The following SLC7A6 variants were observed in gnomAD, a reference collection of about 807,000 sequenced individuals.
SLC7A6 encodes the protein solute carrier family 7 member 6, also known as Y+L amino acid transporter 2.
SLC7A6 carries 29 observed loss-of-function variants against 46.6 expected under a neutral mutation model. The observed-to-expected ratio is 0.62, with a 90% CI of 0.46 to 0.85. The LOEUF (loss-of-function observed/expected upper bound fraction) is 0.85. SLC7A6 is among the 40% of genes least tolerant of loss of function. The probability of loss-of-function intolerance (pLI) is 0.00; values close to 1 mark genes in which losing one functional copy is unlikely to be tolerated. For synonymous variants in SLC7A6, 276 were observed against 257.3 expected, an observed-to-expected ratio of 1.07 and a Z score of -0.70; for missense variants, 527 against 647.6, an observed-to-expected ratio of 0.81 and a Z score of 2.02.
Position 68,300,533 on chromosome 16 carries a change from T to A in SLC7A6, c.*3205T>A. ...CCTTGCCTTAAGTCCTTGGTATTTA[T>A]AATCAATGCTGAACCTTCTATTTCA... is the stretch of plus-strand genomic sequence containing the variant. On this transcript the variant is annotated 3_prime_UTR_variant, in exon 11 of 11. Coordinates refer to ENST00000219343, the MANE Select transcript of SLC7A6 (RefSeq NM_003983.6). The A allele has an allele frequency of 1.2e-6, 1 of 834,568 alleles. No individual in the cohort carries two copies. The highest frequency in any genetic ancestry group is 1.4e-6 in the Non-Finnish European group (1 of 692,342). 51.7% of individuals were successfully genotyped at this position (834,568 alleles called of 1,614,324 possible).
At chr16:68,286,427 G>A (rs2042935197) in intron 3 of SLC7A6, among the ~76,000 whole-genome samples, 1 of 152,178 alleles carries the variant, frequency 6.6e-6, no homozygotes, top group South Asian at 2.1e-4. Flanking sequence ...TTCTTTTTAT[G>A]TGTGTGTACG....
rs186630157 is a variant in SLC7A6 at position 68,300,716 on chromosome 16, C to G, written c.*3388C>G. On this transcript the variant is annotated 3_prime_UTR_variant, in exon 11 of 11. Transcript: ENST00000219343. ...GGAAGTCAGTCAGTAATTTCACAAC[C>G]GTTATCAGAGTTTGGAAGCAGAAAT... is the stretch of plus-strand genomic sequence containing the variant. The G allele has an allele frequency of 1.0e-6, 1 of 985,484 alleles. No homozygotes were observed. Among genetic ancestry groups the G allele is most frequent in the South Asian group, 4.7e-5 (1 of 21,292 alleles). 61.0% of individuals were successfully genotyped at this position (985,484 alleles called of 1,614,324 possible).
chr16:68,264,747 G>C lies in SLC7A6; in HGVS notation c.-166+171G>C, dbSNP rs888059350. ...CCGCGCGAGAGGCGCTGCGGGTGAG[G>C]GGGGGCGCCACGAGGAGAGAGGGAC... On this transcript the variant is annotated intron_variant, in intron 1 of 10. Transcript: ENST00000219343. This position sits in a 1 kb window ranked among gnomAD's most constrained non-coding sequence, Gnocchi z 5.8. 10 of 152,550 alleles carry C rather than the reference G, an allele frequency of 6.6e-5. No homozygotes were observed. In the East Asian group the frequency reaches 1.3e-3, roughly 21 times the overall value. 9.4% of individuals were successfully genotyped at this position (152,550 alleles called of 1,614,324 possible).
chr16:68,301,409 G>A lies in SLC7A6; in HGVS notation c.*4081G>A. 6.2e-7 allele frequency: 1 copy of A among 1,612,866 alleles called. No individual in the cohort carries two copies. The highest frequency in any genetic ancestry group is 8.5e-7 in the Non-Finnish European group (1 of 1,179,222). ...AGGCTGTTGTAGTCAGCAGAGCCTA[G>A]AATGACATCCCGGGAGTGGATTCTA... On this transcript the variant is annotated 3_prime_UTR_variant, in exon 11 of 11. Transcript: ENST00000219343.
In SLC7A6 at chr16:68,297,287, G is replaced by A; in HGVS notation, c.1507G>A (p.Asp503Asn). 1 of 1,614,150 alleles carries A rather than the reference G, an allele frequency of 6.2e-7. No individual in the cohort carries two copies. Among genetic ancestry groups the A allele is most frequent in the Non-Finnish European group, 8.5e-7 (1 of 1,180,020 alleles). ...QLCFCVLTEL[D>N]VAEEKKDERK... is the part of the protein sequence containing the mutation. ...TTGCTTTTGTGTCCTGACTGAGCTT[G>A]ATGTAGCCGAAGAAAAAAAGGATGA... Residue 503 changes from aspartate to asparagine, a missense_variant, in exon 11 of 11, where the codon GAT becomes AAT. Transcript: ENST00000219343.
At chr16:68,293,163 C>T (rs35441683) in intron 7 of SLC7A6, among the ~76,000 whole-genome samples, 1,753 of 152,284 alleles carry the variant, frequency 0.012, 19 homozygotes, top group Non-Finnish European at 0.02. Context: ...CACCTGTAAT[C>T]CCAGCACTTT....
At chr16:68,273,103 T>G (rs1280822547) in intron 2 of SLC7A6, 1 of 152,032 alleles carries the variant, frequency 6.6e-6, no homozygotes, top group African/African-American at 2.4e-5. Flanking sequence ...AGGAGGAGCT[T>G]TTTTACTTGG....
At chr16:68,267,257 C>T (rs2042551260) in intron 2 of SLC7A6, among the ~76,000 whole-genome samples, 1 of 143,284 alleles carries the variant, frequency 7.0e-6, no homozygotes, top group African/African-American at 2.6e-5. Flanking sequence ...TCTCATTGCC[C>T]TGGCGGAGTG....
At chr16:68,268,621 C>T (rs920132996) in intron 2 of SLC7A6, among the ~76,000 whole-genome samples, 3 of 152,086 alleles carry the variant, frequency 2.0e-5, no homozygotes, top group East Asian at 1.9e-4. Flanking sequence ...GTGGCAGTTT[C>T]GTGGTTAAAT....
chr16:68,266,260 C>CA (rs563793476), intron 1 of SLC7A6, among the ~76,000 whole-genome samples: 14 of 149,322 alleles, frequency 9.4e-5, no homozygotes, highest in East Asian at 3.9e-4. Flanking sequence ...ACTCCATCTC[C>CA]AAAAAAAAAG....
At chr16:68,285,569 T>C (rs1181530598) in intron 3 of SLC7A6, among the ~76,000 whole-genome samples, 2 of 152,308 alleles carry the variant, frequency 1.3e-5, no homozygotes, top group Non-Finnish European at 2.9e-5. Flanking sequence ...GCACCTGTGT[T>C]ACTGGCCAGT....
chr16:68,276,939 G>A (rs745993807), intron 3 of SLC7A6, among the ~76,000 whole-genome samples: 19 of 151,628 alleles, frequency 1.3e-4, no homozygotes, highest in Non-Finnish European at 2.8e-4. Context: ...AGGCTGCAGT[G>A]AGCTATGATC....
chr16:68,287,448 A>C (rs2042959621), intron 3 of SLC7A6: 1 of 1,332,992 alleles, frequency 7.5e-7, no homozygotes, highest in Non-Finnish European at 9.8e-7. Flanking sequence ...AGGTGAAATC[A>C]CCCATCCCTG....
At chr16:68,293,556 G>A (rs764358340) in intron 7 of SLC7A6, among the ~76,000 whole-genome samples, 6 of 152,224 alleles carry the variant, frequency 3.9e-5, no homozygotes, top group South Asian at 2.1e-4. Flanking sequence ...GTCAAATCCC[G>A]TCAGGCCCTT....
intron 4 of SLC7A6, among the ~76,000 whole-genome samples, chr16:68,288,247 C>T (rs996717388): frequency 6.6e-6 from 1 of 152,116 alleles, no homozygotes; most frequent in Admixed American, 6.5e-5. Flanking sequence ...CTGGGCCCTC[C>T]TTGAGACAGG....
At chr16:68,283,177 T>C (rs765654719) in intron 3 of SLC7A6, among the ~76,000 whole-genome samples, 1 of 152,250 alleles carries the variant, frequency 6.6e-6, no homozygotes, top group Non-Finnish European at 1.5e-5. Context: ...CACTATTAAC[T>C]TGGGTTTCAG....
At position 68,264,810 on chromosome 16, in the gene SLC7A6, T is replaced by C. The variant is rs2042499535; in HGVS notation, c.-166+234T>C. On this transcript the variant is annotated intron_variant, in intron 1 of 10. Coordinates refer to ENST00000219343, the MANE Select transcript of SLC7A6 (RefSeq NM_003983.6). The surrounding 1 kb of genome is among the most constrained non-coding windows in gnomAD (Gnocchi z 5.8). ...GGCCGAGTGTGGGAGAAACGCTGTA[T>C]GGGTGCGAGCCCCGGAGGCTGATGG... is the stretch of plus-strand genomic sequence containing the variant. 1 of 152,294 alleles carries C rather than the reference T, an allele frequency of 6.6e-6. No individual in the cohort carries two copies. Among genetic ancestry groups the C allele is most frequent in the Non-Finnish European group, 1.5e-5 (1 of 68,118 alleles). 9.4% of individuals were successfully genotyped at this position (152,294 alleles called of 1,614,324 possible).
At position 68,296,511 on chromosome 16, in the gene SLC7A6, A is replaced by G; in HGVS notation, c.1267A>G (p.Lys423Glu). 1 of 1,614,116 alleles carries G rather than the reference A, an allele frequency of 6.2e-7. No homozygotes were observed. Among genetic ancestry groups the G allele is most frequent in the Non-Finnish European group, 8.5e-7 (1 of 1,180,016 alleles). The change falls in exon 9 of 11, where the codon AAG becomes GAG. Residue 423 changes from lysine (K) to glutamate (E), a missense_variant and splice_region_variant. Coordinates refer to ENST00000219343, the MANE Select transcript of SLC7A6 (RefSeq NM_003983.6). ...WKEPKRPRPL[K>E]LSVFFPIVFC... ...GGAGCCCAAGCGGCCCCGGCCTCTC[A>G]AGGTCAGCAGCTCTGGCCAGACTAG... is the stretch of plus-strand genomic sequence containing the variant.
At chr16:68,289,625 G>A (rs1315264666) in intron 4 of SLC7A6, among the ~76,000 whole-genome samples, 1 of 152,176 alleles carries the variant, frequency 6.6e-6, no homozygotes, top group African/African-American at 2.4e-5. Context: ...AGAAGTCTGG[G>A]TCTTGTTAAA....
Sources: gnomAD v4.1 joint callset for allele counts (sites outside exome capture counted in the v4.1 genomes callset) on GRCh38, gnomAD v4.1.1 for gene constraint, Gnocchi (gnomAD v3.1) non-coding constraint, MANE v1.5 for transcripts, NCBI Gene and HGNC (gene_info 2026-07-23, HGNC 2026-07-21) for gene names.